Variants in SPAG16 observed in about 807,000 individuals in gnomAD.
The protein encoded by SPAG16 is sperm-associated antigen 16 protein.
In SPAG16, 86 loss-of-function variants were observed where a neutral mutation model predicts 80.4. The ratio of observed to expected loss-of-function variants is 1.07; its 90% CI spans 0.90 to 1.28. The LOEUF is 1.28. Ranked by LOEUF, SPAG16 falls within the 50% of genes most tolerant of loss-of-function variation. SPAG16 has a pLI of 0.00. For synonymous variants in SPAG16, 294 were observed against 265.9 expected, an observed-to-expected ratio of 1.11 and a Z score of -1.03; for missense variants, 870 against 765.3, an observed-to-expected ratio of 1.14 and a Z score of -1.61.
At chr2:213,635,203 T>G (rs1275168924) in intron 10 of SPAG16, among the ~76,000 whole-genome samples, 1 of 151,654 alleles carries the variant, frequency 6.6e-6, no homozygotes, top group Non-Finnish European at 1.5e-5. Context: ...CCTGGCTAAT[T>G]TTTTTGTATT....
At chr2:213,932,376 T>C (rs10204925) in intron 12 of SPAG16, among the ~76,000 whole-genome samples, 52,281 of 151,008 alleles carry the variant, frequency 0.35, 9,495 homozygotes, top group South Asian at 0.47. Context: ...CCACCACACC[T>C]GGCTAATTTT....
chr2:213,613,078 C>A (rs2061489913), intron 10 of SPAG16, among the ~76,000 whole-genome samples: 2 of 152,158 alleles, frequency 1.3e-5, no homozygotes, highest in South Asian at 4.1e-4. Flanking sequence ...AGAGTGTATG[C>A]AGTATCTGAC....
intron 13 of SPAG16, among the ~76,000 whole-genome samples, chr2:214,086,964 C>A (rs2051811166): frequency 6.6e-6 from 1 of 152,150 alleles, no homozygotes; most frequent in Non-Finnish European, 1.5e-5. Flanking sequence ...TCATTGATGT[C>A]AAGTAGTTAC....
At chr2:214,140,499 T>C (rs192064038) in intron 14 of SPAG16, among the ~76,000 whole-genome samples, 80 of 152,188 alleles carry the variant, frequency 5.3e-4, no homozygotes, top group Admixed American at 2.5e-3. Context: ...ATGTTGTATA[T>C]CTTTCCTTTT....
intron 10 of SPAG16, among the ~76,000 whole-genome samples, chr2:213,550,963 T>C (rs1054740898): frequency 1.3e-5 from 2 of 152,256 alleles, no homozygotes; most frequent in Non-Finnish European, 2.9e-5. Context: ...TAAATATATC[T>C]AATAAATACT....
intron 15 of SPAG16, among the ~76,000 whole-genome samples, chr2:214,185,877 T>C (rs2057452768): frequency 6.6e-6 from 1 of 152,114 alleles, no homozygotes; most frequent in African/African-American, 2.4e-5. Flanking sequence ...TCCTGTTTGT[T>C]TCCTTTATAT....
intron 15 of SPAG16, among the ~76,000 whole-genome samples, chr2:214,395,214 G>C (rs558363069): frequency 1.7e-4 from 26 of 152,256 alleles, no homozygotes; most frequent in African/African-American, 6.0e-4. Flanking sequence ...ACCTCTTTGG[G>C]TAAATACAAA....
chr2:214,371,378 C>A (rs1699802746), intron 15 of SPAG16, among the ~76,000 whole-genome samples: 1 of 151,444 alleles, frequency 6.6e-6, no homozygotes, highest in South Asian at 2.1e-4. Context: ...ACTAAAAATA[C>A]AAAATTAGCT....
intron 1 of SPAG16, among the ~76,000 whole-genome samples, chr2:213,289,424 T>C (rs939408660): frequency 6.6e-6 from 1 of 152,172 alleles, no homozygotes; most frequent in South Asian, 2.1e-4. Flanking sequence ...ACATTTCCAC[T>C]CTTGCCAATT....
At chr2:214,152,587 T>C (rs2056026148) in intron 15 of SPAG16, among the ~76,000 whole-genome samples, 1 of 151,204 alleles carries the variant, frequency 6.6e-6, no homozygotes, top group Admixed American at 6.6e-5. Context: ...GACGAGAGAG[T>C]GTAGAAATAA....
At chr2:213,408,339 T>G (rs1198388526) in intron 9 of SPAG16, among the ~76,000 whole-genome samples, 1 of 152,168 alleles carries the variant, frequency 6.6e-6, no homozygotes, top group Non-Finnish European at 1.5e-5. Context: ...GATGGCCAAA[T>G]GCATTCAATC....
chr2:213,978,294 C>T lies in SPAG16; in HGVS notation c.1401-35657C>T, dbSNP rs997443019. On this transcript the variant is annotated intron_variant, in intron 12 of 15. Coordinates refer to ENST00000331683, the MANE Select transcript of SPAG16 (RefSeq NM_024532.5). Reference sequence around the variant, plus strand: ...ATTTGTTAGGTACATTTTCCATCTTCCACATCACTGCAAGTAACAGGTTTG... The same window carrying T: ...ATTTGTTAGGTACATTTTCCATCTTTCACATCACTGCAAGTAACAGGTTTG... 7.2e-5 allele frequency among the ~76,000 whole-genome samples: 11 copies of T among 152,088 alleles called. No homozygotes were observed. The East Asian group carries it at 2.1e-3, about 29-fold the overall frequency.
At chr2:214,380,530 T>C (rs979068716) in intron 15 of SPAG16, among the ~76,000 whole-genome samples, 11 of 152,212 alleles carry the variant, frequency 7.2e-5, no homozygotes, top group African/African-American at 2.7e-4. Context: ...TATTTTTTAA[T>C]AAAAATTTAA....
At chr2:214,175,160 C>T (rs915721193) in intron 15 of SPAG16, among the ~76,000 whole-genome samples, 2 of 143,564 alleles carry the variant, frequency 1.4e-5, no homozygotes, top group African/African-American at 2.6e-5. Context: ...TTGCAGAATT[C>T]GAAAGAAGGT....
chr2:213,434,674 A>G (rs927412898), intron 9 of SPAG16, among the ~76,000 whole-genome samples: 2 of 152,240 alleles, frequency 1.3e-5, no homozygotes, highest in Admixed American at 1.3e-4. Context: ...AAAAGAAGAT[A>G]TATAAATGGC....
chr2:213,644,313 G>A (rs2062737913), intron 10 of SPAG16, among the ~76,000 whole-genome samples: 1 of 151,968 alleles, frequency 6.6e-6, no homozygotes. Flanking sequence ...TGTCTGAAAT[G>A]TCACATTTCT....
At chr2:214,201,937 C>G (rs985187795) in intron 15 of SPAG16, among the ~76,000 whole-genome samples, 2 of 152,036 alleles carry the variant, frequency 1.3e-5, no homozygotes, top group African/African-American at 2.4e-5. Context: ...CCTCAACTTC[C>G]CAGGCTCAAG....
At chr2:213,467,944 T>C (rs1291173729) in intron 9 of SPAG16, among the ~76,000 whole-genome samples, 1 of 152,192 alleles carries the variant, frequency 6.6e-6, no homozygotes, top group Non-Finnish European at 1.5e-5. Context: ...TATTAGAGAC[T>C]GTACCTTTTT....
intron 15 of SPAG16, among the ~76,000 whole-genome samples, chr2:214,309,935 T>A (rs1695169284): frequency 6.6e-6 from 1 of 152,200 alleles, no homozygotes; most frequent in African/African-American, 2.4e-5. Context: ...GAGGTGATGT[T>A]GGCTGGTTTA....
Sources: allele counts gnomAD v4.1 joint callset (sites outside exome capture counted in the v4.1 genomes callset), GRCh38; gene constraint gnomAD v4.1.1; transcripts MANE v1.5; gene names NCBI Gene and HGNC (gene_info 2026-07-23, HGNC 2026-07-21).